Variants in GMEB2 observed in about 807,000 individuals in gnomAD.
GMEB2 encodes the protein glucocorticoid modulatory element binding protein 2.
GMEB2 carries 7 observed loss-of-function variants against 45.7 expected under a neutral mutation model. The ratio of observed to expected loss-of-function variants is 0.15; its 90% confidence interval spans 0.09 to 0.29. The LOEUF is 0.29. Among genes scored for constraint, GMEB2 ranks in the 10% least tolerant of loss-of-function variants. The pLI is 1.00. For synonymous variants in GMEB2, 322 were observed against 323.6 expected (o/e 1.00, Z 0.05); for missense variants, 582 against 739.2 (o/e 0.79, Z 2.47).
intron 1 of GMEB2, among the ~76,000 whole-genome samples, chr20:63,626,398 G>T (rs1335052794): frequency 8.3e-6 from 1 of 120,076 alleles, no homozygotes; most frequent in Non-Finnish European, 1.8e-5. Flanking sequence ...GTGGCCCCTG[G>T]GGATCGCGTC....
rs751863129 is a variant in GMEB2 at position 63,592,639 on chromosome 20, C to T, written c.723G>A (p.Lys241=). The T allele has an allele frequency of 6.2e-7, 1 of 1,613,052 alleles. No homozygotes were observed. Among genetic ancestry groups the T allele is most frequent in the South Asian group, 1.1e-5 (1 of 91,060 alleles). The change falls in exon 8 of 10, where the codon AAG becomes AAA. Residue 241 remains lysine (K), a synonymous_variant. Transcript: ENST00000370077. The surrounding 1 kb of genome is among the most constrained non-coding windows in gnomAD (Gnocchi z 8.2). ...DDTFTFWRGL[K]DAGLLDEVIQ... Reference sequence around the variant, plus strand: ...TGACCTCGTCCAGCAGGCCGGCGTCCTTCAGCCCCCGCCAGAAGGTAAATG... The same window carrying T: ...TGACCTCGTCCAGCAGGCCGGCGTCTTTCAGCCCCCGCCAGAAGGTAAATG...
At position 63,590,409 on chromosome 20, in the gene GMEB2, A is replaced by G; in HGVS notation, c.1273T>C (p.Ser425Pro). The change falls in exon 10 of 10, where the codon TCC becomes CCC. Residue 425 changes from serine to proline, a missense_variant. Ser to Pro is a moderately conservative substitution (Grantham distance 74). Around this residue, in one of 3 missense-constraint regions of GMEB2, gnomAD observed 462 missense variants for 586.7 expected, o/e 0.79. Coordinates refer to ENST00000370077, the MANE Select transcript of GMEB2 (RefSeq NM_012384.5). Reference sequence around the variant, plus strand: ...ACTGTGTATCCCCCGAGCAGCGGGGAGGCCGGGGAGCTGGCGGGGGGCGCC... The same window carrying G: ...ACTGTGTATCCCCCGAGCAGCGGGGGGGCCGGGGAGCTGGCGGGGGGCGCC... ...LQAPPASSPA[S>P]PLLGGYTVLA... 3 of 1,576,778 alleles carry G rather than the reference A, an allele frequency of 1.9e-6. No homozygotes were observed. Among genetic ancestry groups the G allele is most frequent in the Non-Finnish European group, 2.6e-6 (3 of 1,155,644 alleles).
chr20:63,617,505 C>T (rs1601032184), intron 2 of GMEB2, among the ~76,000 whole-genome samples: 1 of 152,226 alleles, frequency 6.6e-6, no homozygotes, highest in Non-Finnish European at 1.5e-5. Context: ...AAGACACACG[C>T]CATCTGGGGA....
intron 4 of GMEB2, 86 bp downstream of exon 4, chr20:63,602,879 G>T: frequency 8.1e-7 from 1 of 1,236,218 alleles, no homozygotes; most frequent in South Asian, 1.3e-5. Flanking sequence ...CCTGCCTCAG[G>T]ATGCACTCAG....
chr20:63,595,317 T>A (rs2083186725), intron 6 of GMEB2, among the ~76,000 whole-genome samples: 1 of 152,098 alleles, frequency 6.6e-6, no homozygotes, highest in South Asian at 2.1e-4. Context: ...GCCCAGGCAC[T>A]CTCTGTTACT....
rs535513674 is a variant in GMEB2 at position 63,600,655 on chromosome 20, T to G, written c.357+2310A>C. ...ATCACTTGAACCCAGGAAGCGGAGG[T>G]TGCGGTGAGCCAAGATCGCGCCATT... On this transcript the variant is annotated intron_variant, in intron 4 of 9. Transcript: ENST00000370077. 2.2e-3 allele frequency among the ~76,000 whole-genome samples: 316 copies of G among 144,398 alleles called. 1 individual carries two copies. Among genetic ancestry groups the G allele is most frequent in the South Asian group, 3.5e-3 (16 of 4,520 alleles). The allele number at this position is 144,398 out of a possible 152,430, so 94.7% of individuals were successfully genotyped here.
chr20:63,594,987 G>A (rs886223951), intron 6 of GMEB2, among the ~76,000 whole-genome samples: 8 of 152,078 alleles, frequency 5.3e-5, no homozygotes, highest in Admixed American at 2.6e-4. Context: ...CACCCGCCTC[G>A]GCTTCCCAAA....
intron 2 of GMEB2, among the ~76,000 whole-genome samples, chr20:63,612,083 C>T (rs2089575526): frequency 6.6e-6 from 1 of 152,162 alleles, no homozygotes; most frequent in African/African-American, 2.4e-5. Context: ...TTCATGTCTC[C>T]AGTTTCTCCA....
Position 63,592,335 on chromosome 20 carries a change from T to A in GMEB2, c.830-191A>T, listed in dbSNP as rs1406066646. Among the ~76,000 whole-genome samples the A allele has an allele frequency of 1.3e-5, 2 of 151,960 alleles. No homozygotes were observed. Among genetic ancestry groups the A allele is most frequent in the Non-Finnish European group, 2.9e-5 (2 of 67,952 alleles). ...GGAACCCAGCCAGCCAGGAGCTCAG[T>A]TCAGAGGGAGAAGACTGAGATACAT... is the stretch of plus-strand genomic sequence containing the variant. On this transcript the variant is annotated intron_variant, in intron 8 of 9. Coordinates refer to ENST00000370077, the MANE Select transcript of GMEB2 (RefSeq NM_012384.5). This position sits in a 1 kb window ranked among gnomAD's most constrained non-coding sequence, Gnocchi z 8.2.
chr20:63,612,384 C>T (rs2146083922), intron 2 of GMEB2, among the ~76,000 whole-genome samples: 1 of 152,296 alleles, frequency 6.6e-6, no homozygotes, highest in African/African-American at 2.4e-5. Flanking sequence ...GGGGAAGTCG[C>T]TAGGTTTTAG....
intron 2 of GMEB2, among the ~76,000 whole-genome samples, chr20:63,608,994 C>A (rs1215073863): frequency 7.8e-5 from 4 of 51,278 alleles, no homozygotes; most frequent in East Asian, 2.9e-4. Context: ...GAAACATGCC[C>A]CTCTGACCCA....
Position 63,619,170 on chromosome 20 carries a change from C to T in GMEB2, c.131+97G>A. 1.6e-6 allele frequency: 2 copies of T among 1,232,556 alleles called. No individual in the cohort carries two copies. Among genetic ancestry groups the T allele is most frequent in the Non-Finnish European group, 2.2e-6 (2 of 910,690 alleles). The allele number at this position is 1,232,556 out of a possible 1,614,324, so 76.4% of individuals were successfully genotyped here. ...TCAGAAGAACTGGAACTAGAAAAAT[C>T]CTGACACTTGTCCCTTACTACGTTA... On this transcript the variant is annotated intron_variant, in intron 2 of 9. Coordinates refer to ENST00000370077, the MANE Select transcript of GMEB2 (RefSeq NM_012384.5). The surrounding 1 kb of genome is among the most constrained non-coding windows in gnomAD (Gnocchi z 4.6).
At chr20:63,615,515 C>T (rs1176756857) in intron 2 of GMEB2, among the ~76,000 whole-genome samples, 2 of 151,862 alleles carry the variant, frequency 1.3e-5, no homozygotes, top group Non-Finnish European at 2.9e-5. Flanking sequence ...TTTGTAGAGA[C>T]GAGGTTTCAC....
At chr20:63,621,398 G>C (rs1403788003) in intron 1 of GMEB2, among the ~76,000 whole-genome samples, 8 of 152,132 alleles carry the variant, frequency 5.3e-5, no homozygotes, top group African/African-American at 1.9e-4. Context: ...AAAATGGGCT[G>C]GGCGTGGTGG....
chr20:63,595,077 A>G (rs960075016), intron 6 of GMEB2, among the ~76,000 whole-genome samples: 8 of 152,354 alleles, frequency 5.3e-5, no homozygotes, highest in East Asian at 1.9e-4. Flanking sequence ...ATAAAGCTGG[A>G]AAGAATTCTA....
At chr20:63,615,953 G>A (rs2089605455) in intron 2 of GMEB2, among the ~76,000 whole-genome samples, 1 of 152,198 alleles carries the variant, frequency 6.6e-6, no homozygotes, top group Non-Finnish European at 1.5e-5. Context: ...ATTCTAAGGT[G>A]TTGACAGTAG....
At chr20:63,625,490 G>A (rs34835912) in intron 1 of GMEB2, among the ~76,000 whole-genome samples, 2,072 of 152,190 alleles carry the variant, frequency 0.014, 23 homozygotes, top group South Asian at 0.025. Context: ...AGCCCCTTCT[G>A]TGTTGAAGCC....
chr20:63,622,128 C>CA (rs968616548), intron 1 of GMEB2, among the ~76,000 whole-genome samples: 11 of 150,078 alleles, frequency 7.3e-5, no homozygotes, highest in East Asian at 3.9e-4. Context: ...GACCTTGTCA[C>CA]AAAAAAAAGA....
At chr20:63,600,793 A>G (rs1331732800) in intron 4 of GMEB2, among the ~76,000 whole-genome samples, 1 of 147,008 alleles carries the variant, frequency 6.8e-6, no homozygotes, top group Non-Finnish European at 1.5e-5. Flanking sequence ...ACGTTTTTGG[A>G]GCTTGTGGGT....
Sources: gnomAD v4.1 joint callset for allele counts (sites outside exome capture counted in the v4.1 genomes callset) on GRCh38, gnomAD v4.1.1 for gene constraint, gnomAD v4.1.1 regional missense constraint, Gnocchi (gnomAD v3.1) non-coding constraint, MANE v1.5 for transcripts, NCBI Gene and HGNC (gene_info 2026-07-23, HGNC 2026-07-21) for gene names.